MCTP2: variants seen among roughly 807,000 people sequenced by gnomAD.
The protein encoded by MCTP2 is multiple C2 and transmembrane domain containing 2, also known as multiple C2 and transmembrane domain-containing protein 2.
MCTP2 carries 132 observed loss-of-function variants against 111.6 expected under a neutral mutation model. That is an observed-to-expected ratio of 1.18 (90% CI 1.03 to 1.37). The LOEUF is 1.37. MCTP2 is among the 40% of genes most tolerant of loss of function. The pLI is 0.00. For synonymous variants in MCTP2, 395 were observed against 387.7 expected, an observed-to-expected ratio of 1.02 and a Z score of -0.22; for missense variants, 1,183 against 1,067.9, an observed-to-expected ratio of 1.11 and a Z score of -1.50.
intron 17 of MCTP2, among the ~76,000 whole-genome samples, chr15:94,416,703 G>T (rs140307441): frequency 2.0e-5 from 3 of 152,146 alleles, no homozygotes; most frequent in Non-Finnish European, 4.4e-5. Flanking sequence ...TGCAAAGTTG[G>T]ATCTCTTCTA....
At chr15:94,371,748 G>A (rs113759384) in intron 12 of MCTP2, among the ~76,000 whole-genome samples, 4,806 of 152,168 alleles carry the variant, frequency 0.032, 235 homozygotes, top group African/African-American at 0.1. Flanking sequence ...GAGTACAATG[G>A]CGCCATCTTG....
At chr15:94,272,963 C>G (rs549000777) in intron 1 of MCTP2, among the ~76,000 whole-genome samples, 4 of 152,278 alleles carry the variant, frequency 2.6e-5, no homozygotes, top group African/African-American at 9.6e-5. Context: ...ATCATGTGTC[C>G]AGCTGCCAAT....
chr15:94,459,966 G>A (rs776203319), intron 20 of MCTP2, among the ~76,000 whole-genome samples: 8 of 152,162 alleles, frequency 5.3e-5, no homozygotes, highest in Admixed American at 1.3e-4. Flanking sequence ...TTTTACAGAT[G>A]AGGAAACTGA....
chr15:94,385,277 T>C, intron 13 of MCTP2, 146 bp from the exon 14 acceptor site: 1 of 542,338 alleles, frequency 1.8e-6, no homozygotes. Flanking sequence ...ACAGTCAGTT[T>C]GATTTAATTT....
chr15:94,453,379 A>G (rs560440190), intron 19 of MCTP2, among the ~76,000 whole-genome samples: 1 of 152,350 alleles, frequency 6.6e-6, no homozygotes, highest in East Asian at 1.9e-4. Context: ...AACTGCTCTC[A>G]GATGAGCTAA....
intron 1 of MCTP2, among the ~76,000 whole-genome samples, chr15:94,259,307 A>G (rs2073039248): frequency 6.6e-6 from 1 of 152,228 alleles, no homozygotes; most frequent in African/African-American, 2.4e-5. Flanking sequence ...GCTACAGTGC[A>G]CAGCCTGGCA....
At chr15:94,358,334 T>A in intron 9 of MCTP2, 148 bp from the exon 10 acceptor site, 2 of 672,482 alleles carry the variant, frequency 3.0e-6, no homozygotes, top group Non-Finnish European at 2.4e-6. Context: ...ACCAAGTCCC[T>A]TTCATTCTAA....
intron 4 of MCTP2, among the ~76,000 whole-genome samples, chr15:94,317,974 T>G (rs1253298850): frequency 6.6e-6 from 1 of 152,138 alleles, no homozygotes; most frequent in Non-Finnish European, 1.5e-5. Flanking sequence ...CAACTGCATC[T>G]CTTGTGTTCT....
chr15:94,455,186 C>T (rs2084741959), intron 19 of MCTP2, among the ~76,000 whole-genome samples: 1 of 152,092 alleles, frequency 6.6e-6, no homozygotes. Context: ...ACATTCTGAC[C>T]ATTAATGGAA....
rs146456512 is a variant in MCTP2, at chr15:94,348,717, C to G, written c.1005+3553C>G. Among the ~76,000 whole-genome samples, 88 of 151,382 alleles carry G rather than the reference C, an allele frequency of 5.8e-4. No individual in the cohort carries two copies. The East Asian group carries it at 0.017, about 29-fold the overall frequency. On this transcript the variant is annotated intron_variant, in intron 8 of 22. Transcript: ENST00000357742. ...GCCCAGGAAGTAGTACAAGTAAAAC[C>G]CTCTTGCAGGAGGAAATATGGTCCA... is the stretch of plus-strand genomic sequence containing the variant.
intron 4 of MCTP2, among the ~76,000 whole-genome samples, chr15:94,332,042 G>T (rs2077156133): frequency 6.6e-6 from 1 of 152,152 alleles, no homozygotes; most frequent in Non-Finnish European, 1.5e-5. Context: ...CCACTGGCTT[G>T]GAATTCTGCT....
chr15:94,375,685 G>T (rs1030070693), intron 12 of MCTP2, among the ~76,000 whole-genome samples: 3 of 152,028 alleles, frequency 2.0e-5, no homozygotes, highest in African/African-American at 7.2e-5. Flanking sequence ...TTCTCTTTCC[G>T]TTGTTAATAA....
chr15:94,437,995 A>T (rs1362926269), intron 17 of MCTP2, among the ~76,000 whole-genome samples: 4 of 152,118 alleles, frequency 2.6e-5, no homozygotes, highest in Non-Finnish European at 5.9e-5. Flanking sequence ...AAGATCATAC[A>T]CAGTCATCTT....
At chr15:94,385,616 G>A in intron 14 of MCTP2, 91 bp downstream of exon 14, 2 of 883,776 alleles carry the variant, frequency 2.3e-6, no homozygotes, top group Non-Finnish European at 3.7e-6. Context: ...TGTCAACCTG[G>A]GGGAAAAAAA....
intron 1 of MCTP2, among the ~76,000 whole-genome samples, chr15:94,289,657 C>G (rs1046137659): frequency 2.6e-4 from 39 of 152,088 alleles, no homozygotes; most frequent in African/African-American, 9.2e-4. Context: ...TAAACATGGT[C>G]TGATACAAAT....
chr15:94,262,155 CCTAAA>C (rs1257291940), intron 1 of MCTP2, among the ~76,000 whole-genome samples: 1 of 152,116 alleles, frequency 6.6e-6, no homozygotes, highest in Middle Eastern at 3.4e-3. Context: ...TAGTTGGTCA[CCTAAA>C]CTATTTTATT....
intron 17 of MCTP2, among the ~76,000 whole-genome samples, chr15:94,404,304 G>GTTT (rs796532680): frequency 5.1e-5 from 7 of 136,938 alleles, no homozygotes; most frequent in Non-Finnish European, 9.5e-5. Context: ...ATTTTTTATT[G>GTTT]TTTTTTTTTT....
chr15:94,398,987 T>G lies in MCTP2; in HGVS notation c.1815T>G (p.Tyr605Ter), dbSNP rs201723164. ...LSIRDGQPNC[Y>*]VLKNKDLEQA... is the part of the protein sequence containing the mutation. ...TTAGAGATGGACAACCGAATTGTTA[T>G]GTACTAAAGAATAAAGATTTAGAAC... Residue 605 changes from tyrosine to a stop codon, truncating the protein, a stop_gained, in exon 15 of 23, where the codon TAT becomes TAG. Transcript: ENST00000357742. LOFTEE classifies it high-confidence loss of function. 2.4e-5 allele frequency: 37 copies of G among 1,559,844 alleles called. No homozygotes were observed. The highest frequency in any genetic ancestry group is 5.0e-5 in the Admixed American group (3 of 59,736).
intron 13 of MCTP2, among the ~76,000 whole-genome samples, chr15:94,384,843 A>G (rs998433932): frequency 3.3e-5 from 5 of 152,224 alleles, no homozygotes; most frequent in South Asian, 2.1e-4. Context: ...CACTTTTGCC[A>G]ATGGCCAGAT....
Sources: allele counts gnomAD v4.1 joint callset (sites outside exome capture counted in the v4.1 genomes callset), GRCh38; gene constraint gnomAD v4.1.1; transcripts MANE v1.5; gene names NCBI Gene and HGNC (gene_info 2026-07-23, HGNC 2026-07-21).